The following TIMMDC1 variants were observed in gnomAD, a reference collection of about 807,000 sequenced individuals.
TIMMDC1 encodes the protein complex I assembly factor TIMMDC1, mitochondrial.
In TIMMDC1, 25 loss-of-function variants were observed where a neutral mutation model predicts 32.6. The observed-to-expected ratio is 0.77, with a 90% CI of 0.56 to 1.07. The LOEUF (loss-of-function observed/expected upper bound fraction) is 1.07. Ranked by LOEUF, TIMMDC1 falls within the 50% of genes least tolerant of loss-of-function variation. The pLI is 0.00. For missense variants in TIMMDC1, 329 were observed against 349.2 expected (o/e 0.94, Z 0.46); for synonymous variants, 130 against 127.6 (o/e 1.02, Z -0.13).
rs531540868 is a variant in TIMMDC1 at position 119,523,858 on chromosome 3, T to A, written c.*102T>A. ...TCTTTGGTCAGCCTGCTGACAAATTTAAGTGCTGGTACCTGTGGTGGCAGT... is the reference window on the plus strand; with the variant it reads ...TCTTTGGTCAGCCTGCTGACAAATTAAAGTGCTGGTACCTGTGGTGGCAGT... On this transcript the variant is annotated 3_prime_UTR_variant, in exon 7 of 7. Transcript: ENST00000494664. 2 of 1,225,914 alleles carry A rather than the reference T, an allele frequency of 1.6e-6. No homozygotes were observed. Among genetic ancestry groups the A allele is most frequent in the African/African-American group, 1.5e-5 (1 of 65,746 alleles). 75.9% of individuals were successfully genotyped at this position (1,225,914 alleles called of 1,614,324 possible). A position where few individuals can be genotyped will look rare whatever the true frequency, so the allele number is the denominator to read the frequency against.
intron 4 of TIMMDC1, 48 bp downstream of exon 4, chr3:119,504,069 G>GA (rs759774967): frequency 7.0e-7 from 1 of 1,433,660 alleles, no homozygotes; most frequent in East Asian, 2.3e-5. Context: ...ATACAGTTTA[G>GA]AAAATGTGTA....
chr3:119,501,757 T>C (rs1296037451), intron 2 of TIMMDC1, among the ~76,000 whole-genome samples: 1 of 152,212 alleles, frequency 6.6e-6, no homozygotes, highest in Non-Finnish European at 1.5e-5. Context: ...GATCACATGT[T>C]GAATTTGCCT....
chr3:119,499,099 T>C lies in TIMMDC1; in HGVS notation c.194+172T>C, dbSNP rs1447696129. Among the ~76,000 whole-genome samples, 411 of 148,690 alleles carry C rather than the reference T, an allele frequency of 2.8e-3. 1 individual carries two copies. The highest frequency in any genetic ancestry group is 4.6e-3 in the South Asian group (21 of 4,530). ...CTTGTATCTTTTTTCTTTCTTTTTT[T>C]TTTTTTTTTTTCCAGACAGGGTCTT... On this transcript the variant is annotated intron_variant, in intron 1 of 6. Coordinates refer to ENST00000494664, the MANE Select transcript of TIMMDC1 (RefSeq NM_016589.4).
Position 119,498,785 on chromosome 3 carries a change from C to G in TIMMDC1, c.52C>G (p.Leu18Val), listed in dbSNP as rs751607218. 2 of 1,614,228 alleles carry G rather than the reference C, an allele frequency of 1.2e-6. No homozygotes were observed. Among genetic ancestry groups the G allele is most frequent in the Non-Finnish European group, 8.5e-7 (1 of 1,180,028 alleles). ...PRSFLCRALC[L>V]FPRVFAAEAV... ...GAGCTTTCTCTGTAGAGCATTGTGC[C>G]TATTTCCCCGAGTCTTTGCTGCCGA... Residue 18 changes from leucine to valine, a missense_variant, in exon 1 of 7, where the codon CTA becomes GTA. Physicochemically the swap from Leu to Val is conservative, Grantham distance 32 (BLOSUM62 1). Transcript: ENST00000494664.
chr3:119,515,891 T>A (rs1432390694), intron 5 of TIMMDC1, among the ~76,000 whole-genome samples: 1 of 152,222 alleles, frequency 6.6e-6, no homozygotes, highest in African/African-American at 2.4e-5. Context: ...GAGTGCTACC[T>A]TCGTCCTCCA....
intron 4 of TIMMDC1, among the ~76,000 whole-genome samples, chr3:119,505,889 GA>G (rs1378626065): frequency 6.6e-6 from 1 of 152,026 alleles, no homozygotes; most frequent in African/African-American, 2.4e-5. Context: ...ACACACATGG[GA>G]AAACACACAA....
intron 4 of TIMMDC1, among the ~76,000 whole-genome samples, chr3:119,512,765 C>G (rs773429553): frequency 6.6e-6 from 1 of 152,088 alleles, no homozygotes; most frequent in Admixed American, 6.6e-5. Flanking sequence ...TTTTTTGAGA[C>G]AGTCTCATTC....
chr3:119,504,601 C>G (rs1203453491), intron 4 of TIMMDC1, among the ~76,000 whole-genome samples: 1 of 151,978 alleles, frequency 6.6e-6, no homozygotes, highest in Non-Finnish European at 1.5e-5. Flanking sequence ...TGTATATTTT[C>G]TTTTTAATGA....
chr3:119,522,189 TGTG>T (rs1285126034), intron 6 of TIMMDC1, among the ~76,000 whole-genome samples: 1 of 152,130 alleles, frequency 6.6e-6, no homozygotes, highest in African/African-American at 2.4e-5. Flanking sequence ...ATAAAGAAAA[TGTG>T]GTATATATCC....
intron 5 of TIMMDC1, among the ~76,000 whole-genome samples, chr3:119,516,867 A>G (rs1057503520): frequency 5.9e-5 from 9 of 152,158 alleles, no homozygotes; most frequent in African/African-American, 2.2e-4. Flanking sequence ...GTGTGGGGCT[A>G]CTTACTAGAA....
At chr3:119,499,867 T>C (rs6438535) in intron 1 of TIMMDC1, among the ~76,000 whole-genome samples, 125,265 of 152,286 alleles carry the variant, frequency 0.82, 51,598 homozygotes, top group East Asian at 0.87. Context: ...TAAATAGTAG[T>C]TTTTCCTTGT....
chr3:119,517,168 TCG>T (rs1491254796), intron 5 of TIMMDC1, 35 bp from the exon 6 acceptor site: 2 of 1,375,164 alleles, frequency 1.5e-6, no homozygotes, highest in South Asian at 2.3e-5. Context: ...GTCTAATGAC[TCG>T]TTTTTCCTAA....
At chr3:119,518,158 C>T (rs1473008499) in intron 6 of TIMMDC1, among the ~76,000 whole-genome samples, 5 of 151,956 alleles carry the variant, frequency 3.3e-5, no homozygotes, top group African/African-American at 4.8e-5. Context: ...TCCTGGGATG[C>T]AATTTGTGGG....
At chr3:119,518,738 A>G (rs2082003028) in intron 6 of TIMMDC1, among the ~76,000 whole-genome samples, 1 of 152,156 alleles carries the variant, frequency 6.6e-6, no homozygotes, top group African/African-American at 2.4e-5. Flanking sequence ...CTGAGCTGCC[A>G]CGTGCACCCC....
chr3:119,517,205 CA>C lies in TIMMDC1; in HGVS notation c.598del (p.Thr200LeufsTer3). 1 of 1,600,450 alleles carries C rather than the reference CA, an allele frequency of 6.2e-7. No homozygotes were observed. The highest frequency in any genetic ancestry group is 8.6e-7 in the Non-Finnish European group (1 of 1,168,208). On this transcript the variant is annotated frameshift_variant and splice_region_variant, in exon 6 of 7. Transcript: ENST00000494664. LOFTEE classifies it high-confidence loss of function. ...AGGIIGALLG[T>X]PVGGLLMAFQ... ...AGCTTTCCCTCTCCTTTCTTCTCAGCACTCCTGTAGGAGGCCTGCTGATGGC... is the reference window on the plus strand; with the variant it reads ...AGCTTTCCCTCTCCTTTCTTCTCAGCCTCCTGTAGGAGGCCTGCTGATGGC...
At chr3:119,517,399 T>A in intron 6 of TIMMDC1, 84 bp downstream of exon 6, 1 of 802,118 alleles carries the variant, frequency 1.2e-6, no homozygotes, top group Non-Finnish European at 2.1e-6. Flanking sequence ...TTATGTACTC[T>A]AAACTGCCAC....
At chr3:119,516,673 G>T (rs1327562326) in intron 5 of TIMMDC1, among the ~76,000 whole-genome samples, 1 of 152,024 alleles carries the variant, frequency 6.6e-6, no homozygotes, top group African/African-American at 2.4e-5. Flanking sequence ...TTCTCAATGG[G>T]TTGCTATTGG....
chr3:119,516,890 A>G (rs552383987), intron 5 of TIMMDC1, among the ~76,000 whole-genome samples: 45 of 152,288 alleles, frequency 3.0e-4, no homozygotes, highest in Middle Eastern at 3.4e-3. Flanking sequence ...TGTCATAAAT[A>G]TATATATTTT....
chr3:119,515,626 A>C (rs1488984683), intron 5 of TIMMDC1, among the ~76,000 whole-genome samples: 1 of 152,244 alleles, frequency 6.6e-6, no homozygotes, highest in Non-Finnish European at 1.5e-5. Flanking sequence ...AATTCTGCCT[A>C]CCACACTTGG....
Sources: gnomAD v4.1 joint callset for allele counts (sites outside exome capture counted in the v4.1 genomes callset) on GRCh38, gnomAD v4.1.1 for gene constraint, MANE v1.5 for transcripts, NCBI Gene and HGNC (gene_info 2026-07-23, HGNC 2026-07-21) for gene names.